The following DNM3 variants were observed in gnomAD, a reference collection of about 807,000 sequenced individuals.
DNM3 encodes dynamin-3.
Under a neutral mutation model 101.6 loss-of-function variants are expected in DNM3, and 47 were observed. The observed-to-expected ratio is 0.46, with a 90% confidence interval of 0.37 to 0.59. The LOEUF (loss-of-function observed/expected upper bound fraction) is 0.59, where lower values mean the gene tolerates loss of function less well. DNM3 is among the 20% of genes least tolerant of loss of function. The pLI is 0.00. For missense variants in DNM3, 849 were observed against 1,085.7 expected, an observed-to-expected ratio of 0.78 and a Z score of 3.06; for synonymous variants, 385 against 387.9, an observed-to-expected ratio of 0.99 and a Z score of 0.09.
chr1:171,944,117 C>T (rs755675388), intron 2 of DNM3, among the ~76,000 whole-genome samples: 5 of 152,072 alleles, frequency 3.3e-5, no homozygotes, highest in East Asian at 1.9e-4. Context: ...CAGCCACAGA[C>T]AATATATAAA....
chr1:172,403,823 G>A (rs983167306), intron 20 of DNM3, among the ~76,000 whole-genome samples: 11 of 152,034 alleles, frequency 7.2e-5, no homozygotes, highest in Admixed American at 5.9e-4. Context: ...ACTAAACAAA[G>A]CAACTGAGGA....
chr1:172,291,000 T>C (rs1384769774), intron 15 of DNM3, among the ~76,000 whole-genome samples: 2 of 152,160 alleles, frequency 1.3e-5, no homozygotes, highest in Non-Finnish European at 2.9e-5. Context: ...CAACAAATGC[T>C]ACAGTAAAGC....
intron 15 of DNM3, among the ~76,000 whole-genome samples, chr1:172,269,186 T>C (rs1447682171): frequency 6.6e-6 from 1 of 152,202 alleles, no homozygotes; most frequent in Non-Finnish European, 1.5e-5. Flanking sequence ...ACTGTGTTGA[T>C]GAATGAGCCC....
At chr1:172,066,109 T>G (rs557475652) in intron 10 of DNM3, among the ~76,000 whole-genome samples, 1 of 152,146 alleles carries the variant, frequency 6.6e-6, no homozygotes, top group Non-Finnish European at 1.5e-5. Flanking sequence ...TGGAGAAATA[T>G]TACATGCTAT....
intron 17 of DNM3, among the ~76,000 whole-genome samples, chr1:172,340,999 C>T (rs2066661342): frequency 6.6e-6 from 1 of 152,108 alleles, no homozygotes; most frequent in South Asian, 2.1e-4. Flanking sequence ...ACCCCATAGT[C>T]TCTGCCCAAA....
chr1:172,229,040 T>G (rs2061240146), intron 14 of DNM3, among the ~76,000 whole-genome samples: 1 of 152,206 alleles, frequency 6.6e-6, no homozygotes, highest in Admixed American at 6.5e-5. Context: ...CTTATCTATA[T>G]GCTATTTCCA....
intron 14 of DNM3, among the ~76,000 whole-genome samples, chr1:172,240,635 C>G (rs2061714750): frequency 6.6e-6 from 1 of 152,126 alleles, no homozygotes; most frequent in Admixed American, 6.6e-5. Flanking sequence ...TTAATGTGCA[C>G]TCAAAAGCTG....
At chr1:172,371,832 TTTTATTTTTATTTTTATTTTTA>T (rs1467534559) in intron 17 of DNM3, among the ~76,000 whole-genome samples, 3 of 148,350 alleles carry the variant, frequency 2.0e-5, no homozygotes, top group African/African-American at 7.6e-5. Flanking sequence ...AGGCAGATAT[TTTTATTTTTATTTTTATTTTTA>T]TTTATTTTTA....
chr1:172,086,260 C>T (rs2053523979), intron 12 of DNM3, among the ~76,000 whole-genome samples: 1 of 152,134 alleles, frequency 6.6e-6, no homozygotes, highest in South Asian at 2.1e-4. Context: ...CATTAAAGAT[C>T]CTGGAGGAGA....
intron 13 of DNM3, among the ~76,000 whole-genome samples, chr1:172,112,222 T>C (rs925878591): frequency 2.0e-5 from 3 of 152,216 alleles, no homozygotes; most frequent in African/African-American, 7.2e-5. Flanking sequence ...ACATTCATTA[T>C]TTTCCTTAAT....
rs569717692 is a variant in DNM3 at position 172,402,050 on chromosome 1, C to T, written c.2523-5722C>T. On this transcript the variant is annotated intron_variant, in intron 20 of 20. Transcript: ENST00000627582. ...GGCCCATTCACACTCATTGATCTAC[C>T]GCTTGGGACACTGCCCTCAGCAGGT... Among the ~76,000 whole-genome samples, 280 of 152,178 alleles carry T rather than the reference C, an allele frequency of 1.8e-3. 1 individual carries two copies. The highest frequency in any genetic ancestry group is 2.8e-3 in the Non-Finnish European group (188 of 68,008).
chr1:172,361,613 G>A (rs1007746012), intron 17 of DNM3, among the ~76,000 whole-genome samples: 1 of 151,872 alleles, frequency 6.6e-6, no homozygotes, highest in Non-Finnish European at 1.5e-5. Flanking sequence ...TGGAGCCCAG[G>A]TATCAATAGT....
chr1:171,981,756 A>G (rs919439327), intron 2 of DNM3, among the ~76,000 whole-genome samples: 1 of 152,246 alleles, frequency 6.6e-6, no homozygotes, highest in East Asian at 1.9e-4. Context: ...CATTGTAAAA[A>G]CAGAAAATAA....
At chr1:172,181,745 T>C (rs1006656809) in intron 14 of DNM3, among the ~76,000 whole-genome samples, 1 of 151,682 alleles carries the variant, frequency 6.6e-6, no homozygotes, top group African/African-American at 2.4e-5. Flanking sequence ...TGTATCCAGA[T>C]GTGCATGTGT....
chr1:171,923,496 T>C (rs142205815), intron 2 of DNM3, among the ~76,000 whole-genome samples: 211 of 152,114 alleles, frequency 1.4e-3, no homozygotes, highest in African/African-American at 5.0e-3. Context: ...AAGCACAAGA[T>C]TTTTTATTTT....
At chr1:172,049,797 A>G (rs1024143165) in intron 10 of DNM3, among the ~76,000 whole-genome samples, 2 of 152,150 alleles carry the variant, frequency 1.3e-5, no homozygotes, top group African/African-American at 2.4e-5. Flanking sequence ...AGAGAATGAG[A>G]GGGACAGAGA....
chr1:172,347,047 T>C (rs534840023), intron 17 of DNM3, among the ~76,000 whole-genome samples: 4 of 152,310 alleles, frequency 2.6e-5, no homozygotes, highest in East Asian at 3.9e-4. Flanking sequence ...TGGGTGGTGA[T>C]CTGCCTTTAA....
intron 17 of DNM3, among the ~76,000 whole-genome samples, chr1:172,349,050 C>T (rs2067079768): frequency 6.6e-6 from 1 of 152,292 alleles, no homozygotes; most frequent in African/African-American, 2.4e-5. Context: ...ACCACCACCC[C>T]CAGTGTCAGG....
At chr1:172,209,750 G>C (rs1183041318) in intron 14 of DNM3, among the ~76,000 whole-genome samples, 1 of 152,060 alleles carries the variant, frequency 6.6e-6, no homozygotes, top group Non-Finnish European at 1.5e-5. Context: ...AAACAGCCCA[G>C]TGATTTTTCA....
Sources: gnomAD v4.1 joint callset for allele counts (sites outside exome capture counted in the v4.1 genomes callset) on GRCh38, gnomAD v4.1.1 for gene constraint, MANE v1.5 for transcripts, NCBI Gene and HGNC (gene_info 2026-07-23, HGNC 2026-07-21) for gene names.